AK5: variants seen among roughly 807,000 people sequenced by gnomAD.
The protein encoded by AK5 is adenylate kinase isoenzyme 5.
Under a neutral mutation model 69.5 loss-of-function variants are expected in AK5, and 27 were observed. That is an observed-to-expected ratio of 0.39 (90% CI 0.29 to 0.54). AK5 has a LOEUF of 0.54. Ranked by LOEUF, AK5 falls within the 20% of genes least tolerant of loss-of-function variation. The probability of loss-of-function intolerance (pLI) is 0.71; values close to 1 mark genes in which losing one functional copy is unlikely to be tolerated. For missense variants in AK5, 531 were observed against 700.4 expected, an observed-to-expected ratio of 0.76 and a Z score of 2.73; for synonymous variants, 260 against 244.4, an observed-to-expected ratio of 1.06 and a Z score of -0.60.
intron 8 of AK5, among the ~76,000 whole-genome samples, chr1:77,466,071 C>T (rs997843882): frequency 6.6e-6 from 1 of 152,190 alleles, no homozygotes; most frequent in Non-Finnish European, 1.5e-5. Flanking sequence ...GACTCCCTCA[C>T]CATGGCCCGT....
intron 6 of AK5, among the ~76,000 whole-genome samples, chr1:77,345,349 A>G (rs1052374519): frequency 6.6e-6 from 1 of 152,182 alleles, no homozygotes; most frequent in Non-Finnish European, 1.5e-5. Flanking sequence ...GAGGCTGAAA[A>G]AAGGTTAAAA....
At chr1:77,373,937 C>A (rs1280993642) in intron 6 of AK5, among the ~76,000 whole-genome samples, 1 of 152,048 alleles carries the variant, frequency 6.6e-6, no homozygotes, top group Non-Finnish European at 1.5e-5. Context: ...ATCAGAAAAG[C>A]CTACTTAAAA....
At chr1:77,328,495 C>CA (rs1378318869) in intron 5 of AK5, among the ~76,000 whole-genome samples, 5 of 140,324 alleles carry the variant, frequency 3.6e-5, no homozygotes, top group Non-Finnish European at 4.6e-5. Context: ...GACTCCATCT[C>CA]AAAAAAAAAG....
chr1:77,291,392 A>G (rs1301573190), intron 2 of AK5, among the ~76,000 whole-genome samples: 1 of 152,050 alleles, frequency 6.6e-6, no homozygotes, highest in African/African-American at 2.4e-5. Context: ...CCTAGCTGCT[A>G]CTTTTTCTGC....
chr1:77,393,632 T>C (rs1648632749), intron 6 of AK5, among the ~76,000 whole-genome samples: 1 of 152,168 alleles, frequency 6.6e-6, no homozygotes, highest in Admixed American at 6.5e-5. Flanking sequence ...AGTGTGGTAA[T>C]TGGCAACACT....
At chr1:77,385,721 C>T (rs1647979573) in intron 6 of AK5, among the ~76,000 whole-genome samples, 1 of 152,086 alleles carries the variant, frequency 6.6e-6, no homozygotes, top group South Asian at 2.1e-4. Context: ...TAGCAGCAGT[C>T]TAGTTACATC....
At chr1:77,327,523 TC>T in intron 5 of AK5, among the ~76,000 whole-genome samples, 1 of 152,190 alleles carries the variant, frequency 6.6e-6, no homozygotes, top group Admixed American at 6.5e-5. Flanking sequence ...TATCGTCCAG[TC>T]ATTTGACTGC....
At chr1:77,473,678 A>G (rs905685171) in intron 8 of AK5, among the ~76,000 whole-genome samples, 3 of 152,346 alleles carry the variant, frequency 2.0e-5, no homozygotes, top group Middle Eastern at 3.4e-3. Context: ...TTCATCATTT[A>G]CAAATCTTTA....
At chr1:77,351,279 C>T (rs767907237) in intron 6 of AK5, among the ~76,000 whole-genome samples, 8 of 151,962 alleles carry the variant, frequency 5.3e-5, no homozygotes, top group East Asian at 1.9e-4. Context: ...CCTGCAGTCC[C>T]GGCTACTTGG....
rs186105462 is a variant in AK5 at position 77,521,823 on chromosome 1, C to T, written c.1312-4C>T. ...AGGTCCTGACCACTCTCGCTTTGCT[C>T]CAGGGCATCGTTTTGGAGCTCCTGA... is the stretch of plus-strand genomic sequence containing the variant. On this transcript the variant is annotated splice_polypyrimidine_tract_variant and splice_region_variant and intron_variant, in intron 11 of 13. Transcript: ENST00000354567. The T allele has an allele frequency of 5.3e-5, 85 of 1,612,010 alleles. No individual in the cohort carries two copies. The Admixed American group carries it at 6.3e-4, about 12-fold the overall frequency.
chr1:77,375,886 C>A (rs910310378), intron 6 of AK5, among the ~76,000 whole-genome samples: 9 of 152,204 alleles, frequency 5.9e-5, no homozygotes, highest in Admixed American at 5.9e-4. Flanking sequence ...GACTGAACAT[C>A]TGAACCCCTG....
At chr1:77,337,323 A>G (rs1389935264) in intron 5 of AK5, among the ~76,000 whole-genome samples, 2 of 152,232 alleles carry the variant, frequency 1.3e-5, no homozygotes, top group Non-Finnish European at 2.9e-5. Context: ...TTAACAGACT[A>G]AAATAAACAC....
At chr1:77,323,269 G>C (rs139636659) in intron 5 of AK5, among the ~76,000 whole-genome samples, 1 of 152,246 alleles carries the variant, frequency 6.6e-6, no homozygotes, top group African/African-American at 2.4e-5. Context: ...TGGGATTATA[G>C]GTGTGAACCA....
At chr1:77,465,080 C>T (rs1396826541) in intron 8 of AK5, among the ~76,000 whole-genome samples, 1 of 152,154 alleles carries the variant, frequency 6.6e-6, no homozygotes, top group Non-Finnish European at 1.5e-5. Flanking sequence ...TCCTGCTCTG[C>T]ACACTGCTTA....
At chr1:77,427,816 C>A (rs1287800948) in intron 8 of AK5, among the ~76,000 whole-genome samples, 1 of 152,232 alleles carries the variant, frequency 6.6e-6, no homozygotes, top group Non-Finnish European at 1.5e-5. Flanking sequence ...AAGGATGTCT[C>A]CTTTCACCAT....
intron 8 of AK5, among the ~76,000 whole-genome samples, chr1:77,418,969 G>A (rs561815769): frequency 4.7e-4 from 71 of 152,040 alleles, no homozygotes; most frequent in Admixed American, 1.4e-3. Context: ...CATGCAAAAC[G>A]TTGTGCCGAG....
intron 6 of AK5, among the ~76,000 whole-genome samples, chr1:77,351,010 A>G (rs959890413): frequency 6.6e-6 from 1 of 152,244 alleles, no homozygotes; most frequent in Non-Finnish European, 1.5e-5. Flanking sequence ...ACAGCCCTGC[A>G]CATCTTGCAG....
intron 8 of AK5, among the ~76,000 whole-genome samples, chr1:77,479,817 C>T (rs776182567): frequency 5.9e-5 from 9 of 152,136 alleles, no homozygotes; most frequent in Non-Finnish European, 1.2e-4. Flanking sequence ...GGAGCCTCAA[C>T]ACAGAAAAAG....
rs116590297 is a variant in AK5, at chr1:77,382,216, A to T, written c.892-28765A>T. ...TACACTTTCTCGTAAGACCCATTTT[A>T]TAATCTTTTAATTTTTTTTTTTTTT... On this transcript the variant is annotated intron_variant, in intron 6 of 13. Transcript: ENST00000354567. 8.5e-3 allele frequency among the ~76,000 whole-genome samples: 1,187 copies of T among 139,028 alleles called. 18 individuals carry two copies. The highest frequency in any genetic ancestry group is 0.029 in the African/African-American group (1,102 of 37,844). The allele number at this position is 139,028 out of a possible 152,430, so 91.2% of individuals were successfully genotyped here. A position where few individuals can be genotyped will look rare whatever the true frequency, so the allele number is the denominator to read the frequency against.
Sources: allele counts gnomAD v4.1 joint callset (sites outside exome capture counted in the v4.1 genomes callset), GRCh38; gene constraint gnomAD v4.1.1; transcripts MANE v1.5; gene names NCBI Gene and HGNC (gene_info 2026-07-23, HGNC 2026-07-21).